NEBL: variants seen among roughly 807,000 people sequenced by gnomAD.
The protein encoded by NEBL is nebulette.
Under a neutral mutation model 140.2 loss-of-function variants are expected in NEBL, and 122 were observed. That is an observed-to-expected ratio of 0.87 (90% CI 0.75 to 1.01). NEBL has a LOEUF of 1.01. Ranked by LOEUF, NEBL falls within the 50% of genes least tolerant of loss-of-function variation. NEBL has a pLI of 0.00. For synonymous variants in NEBL, 436 were observed against 398.9 expected (o/e 1.09, Z -1.11); for missense variants, 1,365 against 1,231.3 (o/e 1.11, Z -1.62).
chr10:20,851,135 C>T (rs1842464331), intron 10 of NEBL, among the ~76,000 whole-genome samples: 1 of 152,062 alleles, frequency 6.6e-6, no homozygotes, highest in Admixed American at 6.6e-5. Context: ...TTTTTATCTT[C>T]CAATAACAAA....
At chr10:21,126,503 T>C (rs769631191) in intron 2 of NEBL, among the ~76,000 whole-genome samples, 35 of 152,144 alleles carry the variant, frequency 2.3e-4, no homozygotes, top group Non-Finnish European at 4.3e-4. Flanking sequence ...ATTTTTAGCA[T>C]AAGAGATTTA....
chr10:21,081,760 G>A (rs1462782357), intron 2 of NEBL, among the ~76,000 whole-genome samples: 4 of 152,138 alleles, frequency 2.6e-5, no homozygotes, highest in African/African-American at 7.2e-5. Flanking sequence ...AGAAAGTAAG[G>A]ATGTACCCAA....
intron 3 of NEBL, among the ~76,000 whole-genome samples, chr10:21,241,475 A>C (rs902475601): frequency 2.0e-5 from 3 of 152,098 alleles, no homozygotes; most frequent in African/African-American, 7.2e-5. Flanking sequence ...GAGGGATGGT[A>C]TGTTTTGCAA....
At chr10:20,941,081 T>C (rs1290643110) in intron 4 of NEBL, among the ~76,000 whole-genome samples, 6 of 152,186 alleles carry the variant, frequency 3.9e-5, no homozygotes, top group Non-Finnish European at 5.9e-5. Context: ...CCCTAACTCA[T>C]TTTACGAGGC....
At chr10:20,880,637 G>A (rs1845929909) in intron 5 of NEBL, among the ~76,000 whole-genome samples, 157 bp downstream of exon 5, 1 of 152,202 alleles carries the variant, frequency 6.6e-6, no homozygotes, top group South Asian at 2.1e-4. Context: ...AATGACTGTG[G>A]ATAGAATAAT....
At chr10:20,901,746 G>C (rs537518616), upstream of NEBL, among the ~76,000 whole-genome samples, 94 of 152,196 alleles carry the variant, frequency 6.2e-4, no homozygotes, top group African/African-American at 2.1e-3. Context: ...TTTGTTGCCT[G>C]GTTTTTGTTT....
intron 4 of NEBL, among the ~76,000 whole-genome samples, chr10:20,947,925 G>A (rs757601987): frequency 3.3e-5 from 5 of 152,156 alleles, no homozygotes; most frequent in Admixed American, 6.5e-5. Flanking sequence ...CTTTAGAGCA[G>A]GGGTGTCCAA....
intron 2 of NEBL, among the ~76,000 whole-genome samples, chr10:21,071,688 T>C (rs545532373): frequency 5.7e-4 from 87 of 152,310 alleles, no homozygotes; most frequent in African/African-American, 1.6e-3. Flanking sequence ...CATCCAGGAT[T>C]GGTTTACTAG....
In NEBL at chr10:20,932,537, C is replaced by A. The variant is rs576829652; in HGVS notation, c.357+29135G>T. On this transcript the variant is annotated intron_variant, in intron 4 of 6. Coordinates refer to the NEBL transcript ENST00000417816. ...GCAAACCACCATGGCACATGTATAC[C>A]TATGTAACAAACCTGCACATTCTGC... 1.1e-4 allele frequency among the ~76,000 whole-genome samples: 16 copies of A among 152,216 alleles called. No homozygotes were observed. In the South Asian group the frequency reaches 3.1e-3, roughly 30 times the overall value.
At chr10:21,048,500 A>G (rs190395799) in intron 2 of NEBL, among the ~76,000 whole-genome samples, 2 of 150,610 alleles carry the variant, frequency 1.3e-5, no homozygotes, top group African/African-American at 4.9e-5. Flanking sequence ...CAATAGATTT[A>G]GCACCACATG....
intron 3 of NEBL, among the ~76,000 whole-genome samples, chr10:21,237,228 A>G (rs554027778): frequency 2.6e-5 from 4 of 152,318 alleles, no homozygotes; most frequent in African/African-American, 9.6e-5. Flanking sequence ...TGTTTGAGAT[A>G]GAGTGTCACT....
At chr10:21,080,152 A>G (rs890553154) in intron 2 of NEBL, among the ~76,000 whole-genome samples, 1 of 152,250 alleles carries the variant, frequency 6.6e-6, no homozygotes, top group Non-Finnish European at 1.5e-5. Flanking sequence ...TTTATAATGC[A>G]TATAAAATAT....
intron 3 of NEBL, among the ~76,000 whole-genome samples, chr10:21,196,638 C>G (rs1383545350): frequency 2.0e-5 from 3 of 152,162 alleles, no homozygotes; most frequent in Non-Finnish European, 1.5e-5. Context: ...AGCCACCATG[C>G]CCAGTTGTCA....
intron 2 of NEBL, among the ~76,000 whole-genome samples, chr10:21,073,345 G>A (rs1156865937): frequency 2.0e-5 from 3 of 150,302 alleles, no homozygotes; most frequent in South Asian, 2.1e-4. Flanking sequence ...AGCCAGACAC[G>A]GTGGCTCATG....
chr10:20,980,788 T>G (rs1837007967), intron 3 of NEBL, among the ~76,000 whole-genome samples: 1 of 152,226 alleles, frequency 6.6e-6, no homozygotes, highest in African/African-American at 2.4e-5. Context: ...GTGAGACTGA[T>G]TTTCTTTGTA....
chr10:21,087,085 G>A (rs1021847528), intron 2 of NEBL, among the ~76,000 whole-genome samples: 1 of 152,034 alleles, frequency 6.6e-6, no homozygotes, highest in African/African-American at 2.4e-5. Context: ...CTCACCAACT[G>A]TATATTCATT....
intron 26 of NEBL, among the ~76,000 whole-genome samples, chr10:20,796,028 A>G (rs1254928641): frequency 6.6e-6 from 1 of 152,152 alleles, no homozygotes; most frequent in Non-Finnish European, 1.5e-5. Context: ...CAGACATTAC[A>G]TTTCAGCACT....
chr10:21,238,716 T>TAAAAAAA (rs35732687), intron 3 of NEBL, among the ~76,000 whole-genome samples: 31 of 94,482 alleles, frequency 3.3e-4, no homozygotes, highest in African/African-American at 4.1e-4. Context: ...TCAAAAAAAT[T>TAAAAAAA]AAAAAAAAAA....
intron 5 of NEBL, among the ~76,000 whole-genome samples, chr10:20,875,933 G>A (rs1588906936): frequency 6.6e-6 from 1 of 152,174 alleles, no homozygotes; most frequent in African/African-American, 2.4e-5. Flanking sequence ...TTTAAGCAAT[G>A]GTTCAACCCA....
Sources: allele counts gnomAD v4.1 joint callset (sites outside exome capture counted in the v4.1 genomes callset), GRCh38; gene constraint gnomAD v4.1.1; transcripts MANE v1.5; gene names NCBI Gene and HGNC (gene_info 2026-07-23, HGNC 2026-07-21).